Variants in ALK observed in about 807,000 individuals in gnomAD.
ALK encodes ALK tyrosine kinase receptor.
In ALK, 74 loss-of-function variants were observed where a neutral mutation model predicts 163.1. That is an observed-to-expected ratio of 0.45 (90% confidence interval 0.38 to 0.55). The LOEUF is 0.55. ALK is among the 20% of genes least tolerant of loss of function. ALK has a pLI of 0.00. For synonymous variants in ALK, 960 were observed against 843.2 expected (o/e 1.14, Z -2.40); for missense variants, 2,063 against 2,105.3 (o/e 0.98, Z 0.39).
At position 29,232,430 on chromosome 2, in the gene ALK, C is replaced by T. The variant is rs142641078; in HGVS notation, c.2506G>A (p.Val836Met). ...YVFKMKDGVP[V>M]PLIIAAGGGG... is the part of the protein sequence containing the mutation. ...CCTCCGGCTGCAATGATCAGGGGCA[C>T]CGGCACTCCATCCTTCATCTGACCA... The change falls in exon 15 of 29, where the codon GTG (valine) becomes ATG (methionine). Residue 836 changes from valine to methionine, a missense_variant. Around this residue, in one of 5 missense-constraint regions of ALK, gnomAD observed 575 missense variants for 626.6 expected, o/e 0.92. Coordinates refer to ENST00000389048, the MANE Select transcript of ALK (RefSeq NM_004304.5). 6.2e-7 allele frequency: 1 copy of T among 1,614,240 alleles called. No individual in the cohort carries two copies. The highest frequency in any genetic ancestry group is 2.2e-5 in the East Asian group (1 of 44,884).
intron 14 of ALK, 24 bp from the exon 15 acceptor site, chr2:29,232,472 A>G: frequency 6.2e-7 from 1 of 1,614,112 alleles, no homozygotes; most frequent in Non-Finnish European, 8.5e-7. Flanking sequence ...ACATTCAGAC[A>G]TTGAGAAACC....
intron 3 of ALK, among the ~76,000 whole-genome samples, chr2:29,556,142 C>T (rs374255290): frequency 1.3e-5 from 2 of 152,140 alleles, no homozygotes; most frequent in African/African-American, 4.8e-5. Flanking sequence ...CAGAGCCTAT[C>T]TGGGAGATGC....
intron 1 of ALK, among the ~76,000 whole-genome samples, chr2:29,917,765 GGGAGCTCATCCAGTTACACTTA>G: frequency 6.6e-6 from 1 of 152,210 alleles, no homozygotes; most frequent in South Asian, 2.1e-4. Flanking sequence ...GGAGGTCATG[GGGAGCTCATCCAGTTACACTTA>G]GTGTCTTATT....
At chr2:29,338,728 G>A (rs993979109) in intron 5 of ALK, among the ~76,000 whole-genome samples, 2 of 152,232 alleles carry the variant, frequency 1.3e-5, no homozygotes, top group Admixed American at 6.5e-5. Flanking sequence ...CTCCTCAAGA[G>A]TGCCTGTCAC....
rs530279588 is a variant in ALK at position 29,408,647 on chromosome 2, C to T, written c.1155-24788G>A. Among the ~76,000 whole-genome samples, 5 of 152,348 alleles carry T rather than the reference C, an allele frequency of 3.3e-5. No homozygotes were observed. The East Asian group carries it at 9.6e-4, about 29-fold the overall frequency. On this transcript the variant is annotated intron_variant, in intron 4 of 28. Transcript: ENST00000389048. ...ATGTAGTACTCTGATTTGAGAAATA[C>T]TATCTAATCCATGATATGCGCTGAT...
intron 1 of ALK, among the ~76,000 whole-genome samples, chr2:29,733,724 T>C (rs1298255000): frequency 6.6e-6 from 1 of 152,136 alleles, no homozygotes; most frequent in Non-Finnish European, 1.5e-5. Flanking sequence ...GTTTTAAAAC[T>C]TCAGGGAAGA....
intron 4 of ALK, among the ~76,000 whole-genome samples, chr2:29,456,182 T>C (rs1042009186): frequency 1.3e-5 from 2 of 152,116 alleles, no homozygotes; most frequent in Non-Finnish European, 2.9e-5. Context: ...AAGTTAAACA[T>C]AGAATTGTCG....
intron 1 of ALK, among the ~76,000 whole-genome samples, chr2:29,754,045 A>T (rs909590203): frequency 1.3e-5 from 2 of 152,304 alleles, no homozygotes; most frequent in Admixed American, 1.3e-4. Flanking sequence ...AAAAAAATCC[A>T]AACAACAAAA....
At chr2:29,390,572 GAA>G (rs1669142140) in intron 4 of ALK, among the ~76,000 whole-genome samples, 1 of 68,096 alleles carries the variant, frequency 1.5e-5, no homozygotes, top group African/African-American at 6.4e-5. Flanking sequence ...AATACAGAAA[GAA>G]AGAGAAAAAA....
intron 4 of ALK, among the ~76,000 whole-genome samples, chr2:29,402,227 G>T (rs570324545): frequency 3.3e-5 from 5 of 152,344 alleles, no homozygotes; most frequent in Middle Eastern, 6.8e-3. Context: ...CAGATTGTGT[G>T]GGGGGCCAGG....
chr2:29,282,438 A>G (rs1665740445), intron 9 of ALK, among the ~76,000 whole-genome samples: 1 of 152,296 alleles, frequency 6.6e-6, no homozygotes, highest in East Asian at 1.9e-4. Context: ...ATCCTTGGCC[A>G]TGTCAAACGC....
chr2:29,857,359 G>T (rs1666166900), intron 1 of ALK, among the ~76,000 whole-genome samples: 1 of 152,136 alleles, frequency 6.6e-6, no homozygotes, highest in African/African-American at 2.4e-5. Context: ...CTGGACCCCA[G>T]GGGATTCCAG....
intron 5 of ALK, among the ~76,000 whole-genome samples, chr2:29,364,971 G>C (rs762093089): frequency 1.4e-4 from 21 of 152,192 alleles, no homozygotes; most frequent in Non-Finnish European, 2.8e-4. Flanking sequence ...TACATAGGTT[G>C]TCTCACTGAG....
chr2:29,751,965 C>T (rs2148331433), intron 1 of ALK, among the ~76,000 whole-genome samples: 1 of 152,218 alleles, frequency 6.6e-6, no homozygotes, highest in East Asian at 1.9e-4. Context: ...GAGGTATTAT[C>T]CCCATTTTAG....
chr2:29,245,609 C>A (rs1388373387), intron 12 of ALK, among the ~76,000 whole-genome samples: 1 of 140,460 alleles, frequency 7.1e-6, no homozygotes, highest in Admixed American at 7.1e-5. Context: ...CAGTGCCCTG[C>A]ACACAGTAGG....
chr2:29,649,359 G>A (rs10200336), intron 3 of ALK, among the ~76,000 whole-genome samples: 2,280 of 151,980 alleles, frequency 0.015, 29 homozygotes, highest in South Asian at 0.046. Flanking sequence ...TTTAATTTGC[G>A]TTTTGGTTTC....
At chr2:29,593,688 A>G (rs1319983842) in intron 3 of ALK, among the ~76,000 whole-genome samples, 1 of 152,260 alleles carries the variant, frequency 6.6e-6, no homozygotes, top group Non-Finnish European at 1.5e-5. Context: ...GCATTTAGGG[A>G]TGTGATGAAC....
At chr2:29,335,205 C>T (rs532609760) in intron 5 of ALK, among the ~76,000 whole-genome samples, 2 of 152,180 alleles carry the variant, frequency 1.3e-5, no homozygotes, top group East Asian at 3.9e-4. Context: ...GATCTGAGAT[C>T]AAGCCACTCT....
intron 1 of ALK, among the ~76,000 whole-genome samples, chr2:29,875,312 AG>A (rs1361574975): frequency 6.6e-6 from 1 of 152,204 alleles, no homozygotes; most frequent in Non-Finnish European, 1.5e-5. Flanking sequence ...ATGATGAACA[AG>A]TTCTAGAAAT....
Sources: allele counts gnomAD v4.1 joint callset (sites outside exome capture counted in the v4.1 genomes callset), GRCh38; gene constraint gnomAD v4.1.1; regional missense constraint gnomAD v4.1.1; transcripts MANE v1.5; gene names NCBI Gene and HGNC (gene_info 2026-07-23, HGNC 2026-07-21).